HECW1: variants seen among roughly 807,000 people sequenced by gnomAD.
HECW1 encodes HECT, C2 and WW domain containing E3 ubiquitin protein ligase 1.
In HECW1, 61 loss-of-function variants were observed where a neutral mutation model predicts 182.3. The observed-to-expected ratio is 0.33, with a 90% CI of 0.27 to 0.41. The LOEUF is 0.41. HECW1 is among the 10% of genes least tolerant of loss of function. The pLI, the probability that HECW1 is intolerant of heterozygous loss-of-function variation, is 1.00. For synonymous variants in HECW1, 859 were observed against 832.6 expected (o/e 1.03, Z -0.55); for missense variants, 1,739 against 2,108.9 (o/e 0.82, Z 3.44).
chr7:43,179,375 G>T (rs1288654359), intron 2 of HECW1, among the ~76,000 whole-genome samples: 2 of 152,166 alleles, frequency 1.3e-5, no homozygotes, highest in Non-Finnish European at 2.9e-5. Flanking sequence ...GGTAAAAATG[G>T]CAACCTTTGC....
At chr7:43,496,351 G>A (rs527304556) in intron 19 of HECW1, among the ~76,000 whole-genome samples, 2 of 151,886 alleles carry the variant, frequency 1.3e-5, no homozygotes, top group Non-Finnish European at 2.9e-5. Context: ...CCCAGGTTGA[G>A]AACCCAAATA....
At chr7:43,232,257 C>T (rs2152709974) in intron 2 of HECW1, among the ~76,000 whole-genome samples, 1 of 152,256 alleles carries the variant, frequency 6.6e-6, no homozygotes, top group East Asian at 1.9e-4. Flanking sequence ...GTGCCAGAAC[C>T]CGTCCTCCAC....
At chr7:43,319,062 A>C (rs1198437137) in intron 4 of HECW1, among the ~76,000 whole-genome samples, 1 of 152,170 alleles carries the variant, frequency 6.6e-6, no homozygotes, top group Non-Finnish European at 1.5e-5. Context: ...CCTCCTCAAG[A>C]ATGCCGCATT....
At chr7:43,295,968 T>A (rs1023436855) in intron 3 of HECW1, among the ~76,000 whole-genome samples, 1 of 152,236 alleles carries the variant, frequency 6.6e-6, no homozygotes, top group Non-Finnish European at 1.5e-5. Context: ...CATTGGCCCA[T>A]GGTCATGCCT....
At chr7:43,121,953 G>A (rs1785664521) in intron 2 of HECW1, 1 of 152,148 alleles carries the variant, frequency 6.6e-6, no homozygotes, top group Non-Finnish European at 1.5e-5. Flanking sequence ...GAGTTGAGAA[G>A]GTCTGCATTT....
chr7:43,417,120 G>C (rs1041220970), intron 8 of HECW1, among the ~76,000 whole-genome samples: 3 of 152,088 alleles, frequency 2.0e-5, no homozygotes, highest in Non-Finnish European at 4.4e-5. Context: ...GCGCAATCTC[G>C]GCTCACTGCA....
At chr7:43,336,150 C>CTT (rs1812226725) in intron 5 of HECW1, among the ~76,000 whole-genome samples, 9 of 51,610 alleles carry the variant, frequency 1.7e-4, no homozygotes, top group South Asian at 7.6e-4. Flanking sequence ...CTCTTTCTCT[C>CTT]TCTCTCTCTC....
chr7:43,164,880 T>A (rs1242052111), intron 2 of HECW1, among the ~76,000 whole-genome samples: 2 of 152,198 alleles, frequency 1.3e-5, no homozygotes, highest in Non-Finnish European at 2.9e-5. Flanking sequence ...ACTCTGCAGG[T>A]CATCATAACA....
At chr7:43,132,867 G>A (rs1375721603) in intron 2 of HECW1, among the ~76,000 whole-genome samples, 3 of 152,002 alleles carry the variant, frequency 2.0e-5, no homozygotes, top group Admixed American at 6.6e-5. Flanking sequence ...AAATTAGAAC[G>A]ATAATAAATA....
chr7:43,233,226 TA>T (rs1156237797), intron 2 of HECW1, among the ~76,000 whole-genome samples: 1 of 152,222 alleles, frequency 6.6e-6, no homozygotes, highest in Non-Finnish European at 1.5e-5. Flanking sequence ...ACAATTTGGA[TA>T]TTATAATTTT....
At chr7:43,167,444 A>G (rs1583788261) in intron 2 of HECW1, among the ~76,000 whole-genome samples, 1 of 152,214 alleles carries the variant, frequency 6.6e-6, no homozygotes, top group Admixed American at 6.5e-5. Context: ...CTGAAGTTCT[A>G]GAAGGGTGGA....
chr7:43,189,438 A>C (rs1270297415), intron 2 of HECW1, among the ~76,000 whole-genome samples: 3 of 152,172 alleles, frequency 2.0e-5, no homozygotes, highest in African/African-American at 7.2e-5. Flanking sequence ...GCTTATTGGA[A>C]AATCATTAAA....
chr7:43,560,507 G>T (rs1034254469), intron 29 of HECW1, among the ~76,000 whole-genome samples: 1 of 152,044 alleles, frequency 6.6e-6, no homozygotes, highest in Admixed American at 6.6e-5. Context: ...CTGCCAGGAG[G>T]AGGAATGGGT....
At chr7:43,274,477 C>A in intron 3 of HECW1, 1 of 622,068 alleles carries the variant, frequency 1.6e-6, no homozygotes. Context: ...GGGCCGGCAC[C>A]GCACCCAGGC....
At chr7:43,193,335 C>T (rs1350989484) in intron 2 of HECW1, among the ~76,000 whole-genome samples, 1 of 152,104 alleles carries the variant, frequency 6.6e-6, no homozygotes, top group Non-Finnish European at 1.5e-5. Context: ...TATCTCATGC[C>T]CTTTTCCCAA....
chr7:43,234,071 T>C (rs902490965), intron 2 of HECW1, among the ~76,000 whole-genome samples: 20 of 152,302 alleles, frequency 1.3e-4, no homozygotes, highest in African/African-American at 4.6e-4. Context: ...ATATACGGGT[T>C]GCTAAACAAG....
chr7:43,301,572 C>T (rs1295396079), intron 3 of HECW1, among the ~76,000 whole-genome samples: 2 of 152,188 alleles, frequency 1.3e-5, no homozygotes. Flanking sequence ...TCCTGATTGA[C>T]TGGGCTAAAG....
intron 3 of HECW1, among the ~76,000 whole-genome samples, chr7:43,288,784 C>G (rs1043948745): frequency 6.6e-6 from 1 of 152,208 alleles, no homozygotes; most frequent in Non-Finnish European, 1.5e-5. Context: ...CCCTGTTATT[C>G]TCCACTCTTC....
At chr7:43,162,179 C>A (rs1274975747) in intron 2 of HECW1, among the ~76,000 whole-genome samples, 1 of 152,186 alleles carries the variant, frequency 6.6e-6, no homozygotes, top group African/African-American at 2.4e-5. Context: ...AAAAAGAAAG[C>A]AAGATGATAT....
Sources: gnomAD v4.1 joint callset for allele counts (sites outside exome capture counted in the v4.1 genomes callset) on GRCh38, gnomAD v4.1.1 for gene constraint, MANE v1.5 for transcripts, NCBI Gene and HGNC (gene_info 2026-07-23, HGNC 2026-07-21) for gene names.